The following TSHZ3 variants were observed in gnomAD, a reference collection of about 807,000 sequenced individuals.
TSHZ3 encodes teashirt zinc finger homeobox 3.
A neutral mutation model predicts 64.5 loss-of-function variants in TSHZ3; 10 were observed. The ratio of observed to expected loss-of-function variants is 0.16; its 90% CI spans 0.10 to 0.26. TSHZ3 has a LOEUF of 0.26. Ranked by LOEUF, TSHZ3 falls within the 10% of genes least tolerant of loss-of-function variation. The probability of loss-of-function intolerance (pLI) is 1.00; values close to 1 mark genes in which losing one functional copy is unlikely to be tolerated. For missense variants in TSHZ3, 1,242 were observed against 1,421.7 expected (o/e 0.87, Z 2.03); for synonymous variants, 608 against 593.1 (o/e 1.03, Z -0.36).
At chr19:31,295,885 T>A (rs945560314) in intron 1 of TSHZ3, among the ~76,000 whole-genome samples, 1 of 149,134 alleles carries the variant, frequency 6.7e-6, no homozygotes, top group African/African-American at 2.5e-5. Flanking sequence ...ACCCCAGTAG[T>A]GAGCATGATA....
At chr19:31,171,698 A>G (rs1374787231) in intron 5 of TSHZ3, among the ~76,000 whole-genome samples, 1 of 152,132 alleles carries the variant, frequency 6.6e-6, no homozygotes, top group Non-Finnish European at 1.5e-5. Flanking sequence ...AAAGGTATTT[A>G]TGCCCAATAA....
At chr19:31,219,219 G>A (rs1351122743) in intron 4 of TSHZ3, among the ~76,000 whole-genome samples, 15 of 152,190 alleles carry the variant, frequency 9.9e-5, no homozygotes, top group East Asian at 1.9e-4. Context: ...ACTTCTCCCA[G>A]TGGAGCTTGT....
rs1443426220 is a variant in TSHZ3 at position 31,277,988 on chromosome 19, A to G, written c.1805T>C (p.Met602Thr). ...CATGGCATGAAAGTTTGTCTTGGGCATGGGGGACGTCTGGCTGCTGGGTGG... is the reference window on the plus strand; with the variant it reads ...CATGGCATGAAAGTTTGTCTTGGGCGTGGGGGACGTCTGGCTGCTGGGTGG... ...VSPPSSQTSP[M>T]PKTNFHAMEE... The change falls in exon 2 of 2, where the codon ATG becomes ACG. Residue 602 changes from methionine to threonine, a missense_variant. This residue lies in a region of TSHZ3 where 550 missense variants were observed against 545.1 expected (regional missense o/e 1.01). Coordinates refer to ENST00000240587, the MANE Select transcript of TSHZ3 (RefSeq NM_020856.4). This position sits in a 1 kb window ranked among gnomAD's most constrained non-coding sequence, Gnocchi z 4.5. 1.2e-6 allele frequency: 2 copies of G among 1,614,004 alleles called. No individual in the cohort carries two copies. Among genetic ancestry groups the G allele is most frequent in the African/African-American group, 1.3e-5 (1 of 74,930 alleles).
At chr19:31,191,174 C>A (rs1464194818) in intron 5 of TSHZ3, among the ~76,000 whole-genome samples, 1 of 152,052 alleles carries the variant, frequency 6.6e-6, no homozygotes, top group Non-Finnish European at 1.5e-5. Flanking sequence ...ACAATATCAA[C>A]ACGGTTGACA....
chr19:31,181,100 A>C (rs1490686156), intron 5 of TSHZ3, among the ~76,000 whole-genome samples: 1 of 152,038 alleles, frequency 6.6e-6, no homozygotes, highest in Non-Finnish European at 1.5e-5. Context: ...CCAGTTTGAC[A>C]CCAAGGTTTT....
chr19:31,255,478 T>C (rs1159295831), intron 1 of TSHZ3, among the ~76,000 whole-genome samples: 2 of 152,158 alleles, frequency 1.3e-5, no homozygotes, highest in African/African-American at 4.8e-5. Flanking sequence ...CGGCCTTATT[T>C]TCAAATCACT....
At chr19:31,349,565 G>C (rs1396010501), upstream of TSHZ3, 1 of 229,208 alleles carries the variant, frequency 4.4e-6, no homozygotes, top group East Asian at 8.8e-5. Context: ...AATCGCTCCA[G>C]AGGCCAGAGG....
intron 5 of TSHZ3, among the ~76,000 whole-genome samples, chr19:31,191,569 G>A (rs1323833236): frequency 6.6e-6 from 1 of 152,116 alleles, no homozygotes; most frequent in Non-Finnish European, 1.5e-5. Context: ...AAGGAAGAGA[G>A]GGAAAAAAAT....
At chr19:31,162,177 T>G (rs1974381856) in intron 5 of TSHZ3, among the ~76,000 whole-genome samples, 1 of 152,124 alleles carries the variant, frequency 6.6e-6, no homozygotes, top group Non-Finnish European at 1.5e-5. Context: ...GCGTGTCCTA[T>G]TGATCACTTT....
At chr19:31,217,837 G>A (rs1244851190) in intron 4 of TSHZ3, among the ~76,000 whole-genome samples, 1 of 152,122 alleles carries the variant, frequency 6.6e-6, no homozygotes, top group East Asian at 1.9e-4. Flanking sequence ...CTCAACCCCT[G>A]ATAACCACTG....
At chr19:31,346,793 C>CA (rs1298539638) in intron 1 of TSHZ3, among the ~76,000 whole-genome samples, 1 of 147,562 alleles carries the variant, frequency 6.8e-6, no homozygotes, top group Non-Finnish European at 1.5e-5. Context: ...AAACAAACCA[C>CA]CCCCAAAAAA....
chr19:31,202,153 G>A (rs1485875921), intron 5 of TSHZ3, among the ~76,000 whole-genome samples: 2 of 151,928 alleles, frequency 1.3e-5, no homozygotes, highest in African/African-American at 4.8e-5. Flanking sequence ...GCAACAGAGC[G>A]AGACTCTGTC....
intron 5 of TSHZ3, among the ~76,000 whole-genome samples, chr19:31,178,733 G>A (rs1273019442): frequency 2.0e-5 from 3 of 152,128 alleles, no homozygotes; most frequent in African/African-American, 7.2e-5. Flanking sequence ...GGAATTCACA[G>A]GGCAAAAGGT....
At chr19:31,321,589 C>T (rs1361982317) in intron 1 of TSHZ3, among the ~76,000 whole-genome samples, 1 of 152,184 alleles carries the variant, frequency 6.6e-6, no homozygotes, top group Non-Finnish European at 1.5e-5. Context: ...TGGCCACAAT[C>T]AGGCAGCAAG....
chr19:31,277,959 C>T lies in TSHZ3; in HGVS notation c.1834G>A (p.Glu612Lys), dbSNP rs1976279145. 1 of 1,614,222 alleles carries T rather than the reference C, an allele frequency of 6.2e-7. No homozygotes were observed. Among genetic ancestry groups the T allele is most frequent in the Non-Finnish European group, 8.5e-7 (1 of 1,180,034 alleles). ...MPKTNFHAME[E>K]LVKKVTEKVA... is the part of the protein sequence containing the mutation. The stretch of plus-strand genomic sequence containing the variant: ...TTCTCAGTGACCTTTTTCACCAGCT[C>T]CTCCATGGCATGAAAGTTTGTCTTG... Residue 612 changes from glutamate (E) to lysine (K), a missense_variant, in exon 2 of 2, where the codon GAG (glutamate) becomes AAG (lysine). Coordinates refer to ENST00000240587, the MANE Select transcript of TSHZ3 (RefSeq NM_020856.4). This position sits in a 1 kb window ranked among gnomAD's most constrained non-coding sequence, Gnocchi z 4.5.
chr19:31,224,085 A>G (rs1477662858), intron 4 of TSHZ3, among the ~76,000 whole-genome samples: 1 of 152,244 alleles, frequency 6.6e-6, no homozygotes, highest in East Asian at 1.9e-4. Flanking sequence ...GGAATCCGGT[A>G]GGAGTACAGT....
chr19:31,303,283 G>A (rs1016320909), intron 1 of TSHZ3, among the ~76,000 whole-genome samples: 2 of 152,230 alleles, frequency 1.3e-5, no homozygotes, highest in Admixed American at 6.5e-5. Context: ...AGGCCTGAGT[G>A]TTGTAAAGGG....
At chr19:31,284,655 C>T (rs532691299) in intron 1 of TSHZ3, among the ~76,000 whole-genome samples, 1 of 152,106 alleles carries the variant, frequency 6.6e-6, no homozygotes. Context: ...CACCCTTCCC[C>T]GGGCCTCAGG....
intron 5 of TSHZ3, among the ~76,000 whole-genome samples, chr19:31,179,531 CAG>C (rs1276681553): frequency 6.6e-6 from 1 of 152,140 alleles, no homozygotes; most frequent in East Asian, 1.9e-4. Context: ...GGGGGGCAAA[CAG>C]AGAATCTATC....
Sources: allele counts gnomAD v4.1 joint callset (sites outside exome capture counted in the v4.1 genomes callset), GRCh38; gene constraint gnomAD v4.1.1; regional missense constraint gnomAD v4.1.1; non-coding constraint Gnocchi (gnomAD v3.1); transcripts MANE v1.5; gene names NCBI Gene and HGNC (gene_info 2026-07-23, HGNC 2026-07-21).